PTPN14: variants seen among roughly 807,000 people sequenced by gnomAD.
PTPN14 encodes the protein protein tyrosine phosphatase non-receptor type 14.
PTPN14 carries 53 observed loss-of-function variants against 126.8 expected under a neutral mutation model. The ratio of observed to expected loss-of-function variants is 0.42; its 90% CI spans 0.34 to 0.53. The LOEUF is 0.53. Ranked by LOEUF, PTPN14 falls within the 20% of genes least tolerant of loss-of-function variation. PTPN14 has a pLI of 0.08. For missense variants in PTPN14, 1,257 were observed against 1,552.9 expected, an observed-to-expected ratio of 0.81 and a Z score of 3.20; for synonymous variants, 630 against 599.3, an observed-to-expected ratio of 1.05 and a Z score of -0.75.
chr1:214,404,169 T>C (rs1372240302), intron 5 of PTPN14, among the ~76,000 whole-genome samples: 3 of 152,184 alleles, frequency 2.0e-5, no homozygotes, highest in Non-Finnish European at 2.9e-5. Context: ...CCATCTCAAA[T>C]CATTAAAATC....
intron 1 of PTPN14, chr1:214,530,066 T>C (rs1193728309): frequency 2.6e-5 from 4 of 152,142 alleles, no homozygotes; most frequent in African/African-American, 7.2e-5. Flanking sequence ...AACAGACTAA[T>C]AGTCTCAGGC....
At chr1:214,404,460 T>G (rs1659115260) in intron 5 of PTPN14, among the ~76,000 whole-genome samples, 1 of 152,246 alleles carries the variant, frequency 6.6e-6, no homozygotes, top group Non-Finnish European at 1.5e-5. Context: ...GTTAGCTATG[T>G]ATGTGCATCC....
At chr1:214,536,490 A>G (rs73079742) in intron 1 of PTPN14, among the ~76,000 whole-genome samples, 2,377 of 152,274 alleles carry the variant, frequency 0.016, 57 homozygotes, top group African/African-American at 0.054. Context: ...ATTAGTTATT[A>G]AGACTACAAG....
intron 11 of PTPN14, among the ~76,000 whole-genome samples, chr1:214,387,506 G>A (rs1286382420): frequency 1.3e-5 from 2 of 151,822 alleles, no homozygotes; most frequent in Middle Eastern, 3.4e-3. Context: ...TTGAGACTTC[G>A]TCTCCAAGAA....
intron 2 of PTPN14, among the ~76,000 whole-genome samples, chr1:214,461,714 G>T (rs1216959292): frequency 6.6e-6 from 1 of 152,178 alleles, no homozygotes; most frequent in Admixed American, 6.5e-5. Context: ...GGAGACCAAG[G>T]CAGGAAGATC....
chr1:214,365,267 A>T (rs3002300), intron 17 of PTPN14, among the ~76,000 whole-genome samples: 122,827 of 152,140 alleles, frequency 0.81, 50,181 homozygotes, highest in African/African-American at 0.93. Context: ...ATGAACCCCC[A>T]TTCTGGAGGC....
intron 17 of PTPN14, among the ~76,000 whole-genome samples, chr1:214,365,290 A>G (rs1205973063): frequency 6.6e-6 from 1 of 152,150 alleles, no homozygotes; most frequent in Non-Finnish European, 1.5e-5. Flanking sequence ...CATGTGTGTG[A>G]GGTGGAGGGG....
At chr1:214,412,825 A>G (rs1659339102) in intron 4 of PTPN14, among the ~76,000 whole-genome samples, 1 of 152,232 alleles carries the variant, frequency 6.6e-6, no homozygotes, top group African/African-American at 2.4e-5. Flanking sequence ...CTAATGATTG[A>G]GTAGTGAGAG....
At chr1:214,460,507 C>T (rs1347116465) in intron 2 of PTPN14, among the ~76,000 whole-genome samples, 1 of 137,926 alleles carries the variant, frequency 7.3e-6, no homozygotes, top group East Asian at 2.1e-4. Flanking sequence ...CAAACTCTGC[C>T]TTTCCCTGAA....
At chr1:214,414,770 C>T in intron 3 of PTPN14, 44 bp from the exon 4 acceptor site, 1 of 1,472,312 alleles carries the variant, frequency 6.8e-7, no homozygotes, top group Non-Finnish European at 9.5e-7. Context: ...AAAACACATA[C>T]TTGGAATATA....
chr1:214,485,360 C>A (rs1271468710), intron 1 of PTPN14, among the ~76,000 whole-genome samples: 1 of 152,186 alleles, frequency 6.6e-6, no homozygotes, highest in Non-Finnish European at 1.5e-5. Flanking sequence ...AAGGAAGGAT[C>A]CCCTTGACTG....
chr1:214,411,804 G>A, intron 4 of PTPN14, 53 bp from the exon 5 acceptor site: 2 of 1,203,748 alleles, frequency 1.7e-6, no homozygotes, highest in South Asian at 2.8e-5. Flanking sequence ...AATTAAAGAT[G>A]GAATAAAATA....
At chr1:214,370,379 T>C (rs1658191104) in intron 16 of PTPN14, among the ~76,000 whole-genome samples, 2 of 152,008 alleles carry the variant, frequency 1.3e-5, no homozygotes, top group South Asian at 4.1e-4. Context: ...TGGAAAGGCC[T>C]CACAGTCCAT....
intron 3 of PTPN14, among the ~76,000 whole-genome samples, chr1:214,419,958 C>A (rs937096273): frequency 1.4e-4 from 22 of 152,158 alleles, no homozygotes; most frequent in Non-Finnish European, 2.4e-4. Context: ...TCCCTCTATC[C>A]TCAAAACTCT....
intron 1 of PTPN14, among the ~76,000 whole-genome samples, chr1:214,469,016 T>C (rs1164620570): frequency 1.3e-5 from 2 of 152,120 alleles, no homozygotes; most frequent in African/African-American, 4.8e-5. Flanking sequence ...CATTAAAAGC[T>C]CATGACATTT....
chr1:214,414,737 G>T lies in PTPN14; in HGVS notation c.345-11C>A. On this transcript the variant is annotated splice_polypyrimidine_tract_variant and intron_variant, in intron 3 of 18. Coordinates refer to ENST00000366956, the MANE Select transcript of PTPN14 (RefSeq NM_005401.5). ...AGGTAATACTGATATCTGTTCATGG[G>T]AATAGAGGAACAAACAACCTTAAAA... 6.3e-7 allele frequency: 1 copy of T among 1,596,512 alleles called. No individual in the cohort carries two copies. Among genetic ancestry groups the T allele is most frequent in the Non-Finnish European group, 8.6e-7 (1 of 1,164,120 alleles).
rs1304233312 is a variant in PTPN14 at position 214,355,511 on chromosome 1, TG to T, written c.*2410del. 1.3e-5 allele frequency: 2 copies of T among 152,246 alleles called. No individual in the cohort carries two copies. Among genetic ancestry groups the T allele is most frequent in the African/African-American group, 4.8e-5 (2 of 41,466 alleles). The allele number at this position is 152,246 out of a possible 1,614,324, so 9.4% of individuals were successfully genotyped here. A position where few individuals can be genotyped will look rare whatever the true frequency, so the allele number is the denominator to read the frequency against. On this transcript the variant is annotated 3_prime_UTR_variant, in exon 19 of 19. Coordinates refer to ENST00000366956, the MANE Select transcript of PTPN14 (RefSeq NM_005401.5). ...TTCTTATAATAAGGGTTATAAGCTC[TG>T]TTCACTGAAAATACATGTAATACTA... is the stretch of plus-strand genomic sequence containing the variant.
chr1:214,369,006 T>C (rs1299583765), intron 17 of PTPN14, among the ~76,000 whole-genome samples: 2 of 152,068 alleles, frequency 1.3e-5, no homozygotes, highest in Non-Finnish European at 2.9e-5. Context: ...AATTTCCCAA[T>C]CCCCCTTTGC....
At chr1:214,358,388 T>G (rs1288545122) in intron 18 of PTPN14, among the ~76,000 whole-genome samples, 2 of 152,164 alleles carry the variant, frequency 1.3e-5, no homozygotes, top group African/African-American at 4.8e-5. Context: ...TACCTGAGTC[T>G]CCCAAAGTGC....
Sources: gnomAD v4.1 joint callset for allele counts (sites outside exome capture counted in the v4.1 genomes callset) on GRCh38, gnomAD v4.1.1 for gene constraint, MANE v1.5 for transcripts, NCBI Gene and HGNC (gene_info 2026-07-23, HGNC 2026-07-21) for gene names.